The following DENND1A variants were observed in gnomAD, a reference collection of about 807,000 sequenced individuals.
DENND1A encodes the protein DENN domain containing 1A, also known as DENN domain-containing protein 1A.
In DENND1A, 51 loss-of-function variants were observed where a neutral mutation model predicts 113.7. The observed-to-expected ratio is 0.45, with a 90% CI of 0.36 to 0.57. DENND1A has a LOEUF of 0.57. Among genes scored for constraint, DENND1A ranks in the 20% least tolerant of loss-of-function variants. The probability of loss-of-function intolerance (pLI) is 0.00; values close to 1 mark genes in which losing one functional copy is unlikely to be tolerated. For missense variants in DENND1A, 1,258 were observed against 1,395.9 expected (o/e 0.90, Z 1.57); for synonymous variants, 565 against 570.8 (o/e 0.99, Z 0.14).
At chr9:123,835,489 T>G (rs913975665) in intron 2 of DENND1A, among the ~76,000 whole-genome samples, 3 of 151,994 alleles carry the variant, frequency 2.0e-5, no homozygotes, top group Non-Finnish European at 4.4e-5. Flanking sequence ...TCAAGCACAC[T>G]CATCACAGCC....
intron 21 of DENND1A, among the ~76,000 whole-genome samples, chr9:123,393,259 C>G (rs2042946970): frequency 6.6e-6 from 1 of 152,214 alleles, no homozygotes; most frequent in African/African-American, 2.4e-5. Flanking sequence ...CAAGTAGATT[C>G]TGGGCATCTG....
At chr9:123,766,580 T>C (rs1828853470) in intron 4 of DENND1A, among the ~76,000 whole-genome samples, 2 of 152,206 alleles carry the variant, frequency 1.3e-5, no homozygotes, top group African/African-American at 4.8e-5. Context: ...ATTTGGTGAC[T>C]GGTCTTCCCT....
chr9:123,886,090 TC>T (rs1375192797), intron 1 of DENND1A, among the ~76,000 whole-genome samples: 3 of 152,152 alleles, frequency 2.0e-5, no homozygotes, highest in African/African-American at 7.2e-5. Context: ...GACCATGTTC[TC>T]AAAAAGATTA....
chr9:123,541,391 C>T (rs1032430709), intron 13 of DENND1A, among the ~76,000 whole-genome samples: 2 of 152,224 alleles, frequency 1.3e-5, no homozygotes, highest in Non-Finnish European at 2.9e-5. Flanking sequence ...AACTAATCAA[C>T]CCGGGATAAA....
At chr9:123,730,630 A>T (rs1481278301) in intron 5 of DENND1A, among the ~76,000 whole-genome samples, 1 of 152,210 alleles carries the variant, frequency 6.6e-6, no homozygotes. Flanking sequence ...GGATGTGTAG[A>T]AGTAGGAACG....
At chr9:123,424,478 C>A (rs775288034) in intron 19 of DENND1A, among the ~76,000 whole-genome samples, 3 of 152,230 alleles carry the variant, frequency 2.0e-5, no homozygotes, top group Non-Finnish European at 4.4e-5. Flanking sequence ...AGGCTCCCAC[C>A]AGCCCTGGCC....
chr9:123,835,660 G>GAAA (rs112937594), intron 2 of DENND1A, among the ~76,000 whole-genome samples: 1 of 111,472 alleles, frequency 9.0e-6, no homozygotes, highest in African/African-American at 3.3e-5. Flanking sequence ...TGATTTCCAG[G>GAAA]AAAAAAAAAA....
At chr9:123,803,860 C>G (rs557763066) in intron 2 of DENND1A, among the ~76,000 whole-genome samples, 2 of 152,192 alleles carry the variant, frequency 1.3e-5, no homozygotes. Flanking sequence ...TCTCTTGGAC[C>G]CATGACAACC....
At chr9:123,768,482 A>G (rs1160785618) in intron 4 of DENND1A, among the ~76,000 whole-genome samples, 2 of 152,168 alleles carry the variant, frequency 1.3e-5, no homozygotes, top group African/African-American at 4.8e-5. Context: ...GGGTACACTA[A>G]AATACATGAT....
At chr9:123,507,074 AG>A (rs2053020265) in intron 13 of DENND1A, among the ~76,000 whole-genome samples, 1 of 152,242 alleles carries the variant, frequency 6.6e-6, no homozygotes. Flanking sequence ...CTGTAATCCC[AG>A]CTACTTGGGA....
At chr9:123,860,203 A>G (rs1844861726) in intron 2 of DENND1A, among the ~76,000 whole-genome samples, 1 of 152,206 alleles carries the variant, frequency 6.6e-6, no homozygotes, top group African/African-American at 2.4e-5. Context: ...TAGGTCAATA[A>G]GCCCTTAGAA....
At chr9:123,913,142 T>G (rs1032129539) in intron 1 of DENND1A, among the ~76,000 whole-genome samples, 1 of 146,230 alleles carries the variant, frequency 6.8e-6, no homozygotes, top group African/African-American at 2.5e-5. Context: ...AAAAAAACCT[T>G]CAAAGTTCAG....
intron 2 of DENND1A, among the ~76,000 whole-genome samples, chr9:123,830,974 T>G (rs978847978): frequency 7.2e-6 from 1 of 138,520 alleles, no homozygotes; most frequent in African/African-American, 2.7e-5. Context: ...GCCCACGTAA[T>G]AAGAACAAGA....
intron 9 of DENND1A, among the ~76,000 whole-genome samples, chr9:123,644,981 C>T (rs1033283985): frequency 1.4e-4 from 21 of 152,038 alleles, no homozygotes; most frequent in Admixed American, 1.1e-3. Context: ...AAAAATGGGG[C>T]CTTTGTGCTA....
At chr9:123,480,726 C>T (rs1431692199) in intron 13 of DENND1A, among the ~76,000 whole-genome samples, 2 of 152,152 alleles carry the variant, frequency 1.3e-5, no homozygotes, top group African/African-American at 2.4e-5. Context: ...GAACTCTCTA[C>T]AGATAGGGAG....
At chr9:123,504,270 C>T (rs1248156113) in intron 13 of DENND1A, among the ~76,000 whole-genome samples, 3 of 152,190 alleles carry the variant, frequency 2.0e-5, no homozygotes, top group Admixed American at 6.5e-5. Context: ...ACCTGCCCCT[C>T]ACCTCATCTC....
intron 11 of DENND1A, among the ~76,000 whole-genome samples, chr9:123,607,488 GACACACAC>G (rs10557656): frequency 0.019 from 1,362 of 71,044 alleles, 42 homozygotes; most frequent in African/African-American, 0.05. Context: ...CAGAGAGAGA[GACACACAC>G]ACACACACAC....
chr9:123,477,390 A>ATTTTT lies in DENND1A; in HGVS notation c.994-19498_994-19494dup, dbSNP rs760921029. ...ACAGAGTGAGATCCCATCTCTATAA[A>ATTTTT]TTTTTTTTTTTTTTTTAATTAGCTG... On this transcript the variant is annotated intron_variant, in intron 13 of 23. Coordinates refer to ENST00000394215, the MANE Select transcript of DENND1A (RefSeq NM_001352964.2). Among the ~76,000 whole-genome samples, 58 of 145,206 alleles carry ATTTTT rather than the reference A, an allele frequency of 4.0e-4. 1 individual carries two copies. The East Asian group carries it at 0.011, about 28-fold the overall frequency.
intron 1 of DENND1A, among the ~76,000 whole-genome samples, chr9:123,896,841 A>G (rs1450930217): frequency 6.6e-6 from 1 of 152,220 alleles, no homozygotes; most frequent in African/African-American, 2.4e-5. Flanking sequence ...AATAGAAAAC[A>G]AAAGCTACAC....
Sources: gnomAD v4.1 joint callset for allele counts (sites outside exome capture counted in the v4.1 genomes callset) on GRCh38, gnomAD v4.1.1 for gene constraint, MANE v1.5 for transcripts, NCBI Gene and HGNC (gene_info 2026-07-23, HGNC 2026-07-21) for gene names.